Variants in WWC2 observed in about 807,000 individuals in gnomAD.
WWC2 encodes the protein protein WWC2.
Under a neutral mutation model 138.5 loss-of-function variants are expected in WWC2, and 101 were observed. The ratio of observed to expected loss-of-function variants is 0.73; its 90% CI spans 0.62 to 0.86. WWC2 has a LOEUF of 0.86. Among genes scored for constraint, WWC2 ranks in the 40% least tolerant of loss-of-function variants. WWC2 has a pLI of 0.00. For missense variants in WWC2, 1,420 were observed against 1,419.4 expected (o/e 1.00, Z -0.01); for synonymous variants, 558 against 538.4 (o/e 1.04, Z -0.50).
At chr4:183,137,556 T>A (rs1290812327) in intron 1 of WWC2, among the ~76,000 whole-genome samples, 1 of 151,986 alleles carries the variant, frequency 6.6e-6, no homozygotes, top group Non-Finnish European at 1.5e-5. Context: ...TGGAGTGCAG[T>A]GGCACGATCT....
At chr4:183,160,869 T>C (rs181062590) in intron 1 of WWC2, among the ~76,000 whole-genome samples, 12 of 152,292 alleles carry the variant, frequency 7.9e-5, no homozygotes, top group Admixed American at 2.6e-4. Context: ...ATATTTAATA[T>C]TGATGAGATA....
intron 1 of WWC2, among the ~76,000 whole-genome samples, chr4:183,154,636 T>A (rs553063347): frequency 1.3e-5 from 2 of 152,316 alleles, no homozygotes; most frequent in South Asian, 4.1e-4. Context: ...CAAATTTGGA[T>A]TTATCTCATT....
At chr4:183,104,198 A>G (rs767460814) in intron 1 of WWC2, among the ~76,000 whole-genome samples, 2 of 152,134 alleles carry the variant, frequency 1.3e-5, no homozygotes, top group Non-Finnish European at 2.9e-5. Context: ...AGTAATTTCT[A>G]TGAACCCACT....
chr4:183,132,095 A>G (rs1023750279), intron 1 of WWC2, among the ~76,000 whole-genome samples: 5 of 152,116 alleles, frequency 3.3e-5, no homozygotes, highest in African/African-American at 1.2e-4. Context: ...TTATAGTTTT[A>G]TAATATTGAT....
chr4:183,220,703 G>A (rs1053906070), intron 4 of WWC2, among the ~76,000 whole-genome samples: 4 of 151,912 alleles, frequency 2.6e-5, no homozygotes, highest in African/African-American at 4.8e-5. Context: ...GCGTGGTGGC[G>A]GGCGCCTGTA....
rs575814396 is a variant in WWC2, at chr4:183,113,997, GT to G, written c.131+14377del. Among the ~76,000 whole-genome samples, 232 of 152,236 alleles carry G rather than the reference GT, an allele frequency of 1.5e-3. 2 individuals are homozygous for G. The highest frequency in any genetic ancestry group is 4.4e-3 in the Admixed American group (68 of 15,292). The stretch of plus-strand genomic sequence containing the variant: ...GAAAGACCGAGGGAGAATGTGGTTG[GT>G]TGGTATCCATTTGGATTGCTAATCC... On this transcript the variant is annotated intron_variant, in intron 1 of 22. Transcript: ENST00000403733.
chr4:183,217,108 A>G (rs769811135), intron 4 of WWC2, among the ~76,000 whole-genome samples: 4 of 152,224 alleles, frequency 2.6e-5, no homozygotes, highest in Non-Finnish European at 5.9e-5. Flanking sequence ...GAAAGGATCA[A>G]ATTGATTTAA....
At chr4:183,269,318 T>A in intron 15 of WWC2, 155 bp downstream of exon 15, 1 of 779,668 alleles carries the variant, frequency 1.3e-6, no homozygotes, top group Non-Finnish European at 2.2e-6. Flanking sequence ...TTTTCTGAAG[T>A]AGTGGTTTCT....
In WWC2 at chr4:183,247,648, C is replaced by CTA. The variant is rs1436358243; in HGVS notation, c.733-1061_733-1060dup. On this transcript the variant is annotated intron_variant, in intron 6 of 22. Transcript: ENST00000403733. ...CTATATACTATATATACTATATATA[C>CTA]TATATACTATATATACTATATATTA... Among the ~76,000 whole-genome samples, 630 of 128,372 alleles carry CTA rather than the reference C, an allele frequency of 4.9e-3. 11 individuals are homozygous for CTA. Among genetic ancestry groups the CTA allele is most frequent in the African/African-American group, 0.02 (595 of 29,686 alleles). 84.2% of individuals were successfully genotyped at this position (128,372 alleles called of 152,430 possible).
rs549694381 is a variant in WWC2, at chr4:183,151,722, T to C, written c.132-41877T>C. Among the ~76,000 whole-genome samples the C allele has an allele frequency of 8.5e-5, 13 of 152,284 alleles. No individual in the cohort carries two copies. In the East Asian group the frequency reaches 1.9e-3, roughly 23 times the overall value. On this transcript the variant is annotated intron_variant, in intron 1 of 22. Transcript: ENST00000403733. ...ATCTTGAATTAATTTTTGTATAAGG[T>C]GTAAGGAAGGGATCCAGTTTCAGCT...
At chr4:183,099,833 C>T (rs1019971147) in intron 1 of WWC2, among the ~76,000 whole-genome samples, 2 of 151,872 alleles carry the variant, frequency 1.3e-5, no homozygotes, top group Admixed American at 6.5e-5. Flanking sequence ...TCCGGGGACC[C>T]GGCCCCGAGG....
At chr4:183,264,025 T>G (rs1275163348) in intron 11 of WWC2, among the ~76,000 whole-genome samples, 1 of 152,212 alleles carries the variant, frequency 6.6e-6, no homozygotes, top group East Asian at 1.9e-4. Context: ...AATTTCAGGC[T>G]GCTGTGGTTA....
chr4:183,246,912 G>A (rs1340124651), intron 6 of WWC2, among the ~76,000 whole-genome samples: 1 of 152,028 alleles, frequency 6.6e-6, no homozygotes, highest in Non-Finnish European at 1.5e-5. Flanking sequence ...ATCTACATTG[G>A]AACCTTCTAA....
chr4:183,308,066 A>T (rs555167744), intron 21 of WWC2, among the ~76,000 whole-genome samples: 2 of 152,216 alleles, frequency 1.3e-5, no homozygotes, highest in Non-Finnish European at 2.9e-5. Flanking sequence ...AAAGTTAATC[A>T]CTTTTCTATA....
At chr4:183,226,719 G>A (rs1353555742) in intron 4 of WWC2, among the ~76,000 whole-genome samples, 1 of 151,994 alleles carries the variant, frequency 6.6e-6, no homozygotes, top group Non-Finnish European at 1.5e-5. Flanking sequence ...GAAGAGAAGA[G>A]AGAAAGCACC....
intron 1 of WWC2, among the ~76,000 whole-genome samples, chr4:183,115,671 C>A (rs1392904065): frequency 1.3e-5 from 2 of 151,946 alleles, no homozygotes; most frequent in African/African-American, 4.8e-5. Context: ...TGTTCGTGTC[C>A]GTTGCTCATT....
intron 1 of WWC2, among the ~76,000 whole-genome samples, chr4:183,106,892 A>G (rs529529133): frequency 1.3e-5 from 2 of 152,160 alleles, no homozygotes. Context: ...ATATCCCTGT[A>G]CAATTTTTGT....
intron 4 of WWC2, among the ~76,000 whole-genome samples, chr4:183,232,912 T>C (rs2111292436): frequency 6.6e-6 from 1 of 152,202 alleles, no homozygotes; most frequent in Admixed American, 6.5e-5. Flanking sequence ...CCTCTCAAAG[T>C]GCTGGGATTG....
At chr4:183,248,445 ATT>A (rs1736863685) in intron 6 of WWC2, among the ~76,000 whole-genome samples, 1 of 152,212 alleles carries the variant, frequency 6.6e-6, no homozygotes, top group Non-Finnish European at 1.5e-5. Flanking sequence ...ACATGCATGT[ATT>A]TTAAAGATAC....
Sources: allele counts gnomAD v4.1 joint callset (sites outside exome capture counted in the v4.1 genomes callset), GRCh38; gene constraint gnomAD v4.1.1; transcripts MANE v1.5; gene names NCBI Gene and HGNC (gene_info 2026-07-23, HGNC 2026-07-21).